The following GALNT13 variants were observed in gnomAD, a reference collection of about 807,000 sequenced individuals.
GALNT13 encodes the protein polypeptide N-acetylgalactosaminyltransferase 13.
A neutral mutation model predicts 64.2 loss-of-function variants in GALNT13; 28 were observed. The observed-to-expected ratio is 0.44, with a 90% CI of 0.32 to 0.60. The LOEUF (loss-of-function observed/expected upper bound fraction) is 0.60, where lower values mean the gene tolerates loss of function less well. Ranked by LOEUF, GALNT13 falls within the 20% of genes least tolerant of loss-of-function variation. The pLI is 0.05. For synonymous variants in GALNT13, 214 were observed against 224.6 expected (o/e 0.95, Z 0.42); for missense variants, 577 against 669.8 (o/e 0.86, Z 1.53).
chr2:153,362,553 C>CAAAAAAAA, the GALNT13 span, among the ~76,000 whole-genome samples: 199 of 80,296 alleles, frequency 2.5e-3, 11 homozygotes, highest in African/African-American at 8.7e-3. Flanking sequence ...AAATGGAGAG[C>CAAAAAAAA]AAAAAAAAAA....
At chr2:153,759,413 A>C in the GALNT13 span, among the ~76,000 whole-genome samples, 2 of 152,124 alleles carry the variant, frequency 1.3e-5, no homozygotes, top group Admixed American at 6.6e-5. Flanking sequence ...CATTGTTTTC[A>C]TCATTAAGTA....
chr2:153,382,491 A>G, the GALNT13 span, among the ~76,000 whole-genome samples: 135 of 152,224 alleles, frequency 8.9e-4, no homozygotes, highest in Non-Finnish European at 1.6e-3. Flanking sequence ...ATGTTGCTGC[A>G]AAAGACATGA....
chr2:154,014,635 C>CTTTTTTTTTT lies in GALNT13; in HGVS notation c.142+70002_142+70011dup, dbSNP rs60950180. Among the ~76,000 whole-genome samples the CTTTTTTTTTT allele has an allele frequency of 8.4e-3, 650 of 77,158 alleles. 83 individuals are homozygous for CTTTTTTTTTT. Among genetic ancestry groups the CTTTTTTTTTT allele is most frequent in the African/African-American group, 0.023 (508 of 21,954 alleles). The allele number at this position is 77,158 out of a possible 152,430, so 50.6% of individuals were successfully genotyped here. On this transcript the variant is annotated intron_variant, in intron 3 of 12. Transcript: ENST00000392825. ...ACTTTTTGTCTTTCTGATAATTCTCCTTTTTTTTTTTTTTTGAGACGGAGT... is the reference window on the plus strand; with the variant it reads ...ACTTTTTGTCTTTCTGATAATTCTCCTTTTTTTTTTTTTTTTTTTTTTTTTGAGACGGAGT...
chr2:153,073,226 T>A, the GALNT13 span, among the ~76,000 whole-genome samples: 1 of 152,164 alleles, frequency 6.6e-6, no homozygotes, highest in Non-Finnish European at 1.5e-5. Context: ...AATTTTCAGG[T>A]TCTCAAGGAG....
chr2:153,634,049 T>C, the GALNT13 span, among the ~76,000 whole-genome samples: 1 of 152,162 alleles, frequency 6.6e-6, no homozygotes, highest in African/African-American at 2.4e-5. Context: ...AGATGTCAGA[T>C]GTAATGCAGA....
At chr2:153,752,060 C>G in the GALNT13 span, among the ~76,000 whole-genome samples, 1 of 151,768 alleles carries the variant, frequency 6.6e-6, no homozygotes, top group Non-Finnish European at 1.5e-5. Context: ...ATTATTTTCA[C>G]CAGATAACAA....
chr2:153,355,660 C>G, the GALNT13 span, among the ~76,000 whole-genome samples: 2 of 152,114 alleles, frequency 1.3e-5, no homozygotes, highest in Admixed American at 6.6e-5. Flanking sequence ...AATCAAACAG[C>G]ATGTAAACCT....
At chr2:153,389,353 A>G in the GALNT13 span, among the ~76,000 whole-genome samples, 2,714 of 152,164 alleles carry the variant, frequency 0.018, 93 homozygotes, top group African/African-American at 0.062. Context: ...AAATTTACAT[A>G]CAAGTAGCAG....
At chr2:153,130,283 C>T in the GALNT13 span, among the ~76,000 whole-genome samples, 1 of 152,252 alleles carries the variant, frequency 6.6e-6, no homozygotes, top group South Asian at 2.1e-4. Flanking sequence ...CACTCCTCTC[C>T]TCAAAACCCC....
the GALNT13 span, among the ~76,000 whole-genome samples, chr2:153,280,618 C>A: frequency 8.6e-5 from 13 of 151,978 alleles, no homozygotes; most frequent in African/African-American, 3.1e-4. Context: ...TTTTGTTGTT[C>A]ACCCAAAAGC....
intron 3 of GALNT13, among the ~76,000 whole-genome samples, chr2:154,092,651 A>G (rs1701873227): frequency 6.6e-6 from 1 of 152,216 alleles, no homozygotes; most frequent in Admixed American, 6.6e-5. Flanking sequence ...CCAGGAATGT[A>G]CTTAGGGGCT....
the GALNT13 span, among the ~76,000 whole-genome samples, chr2:153,543,780 C>A: frequency 6.6e-6 from 1 of 152,158 alleles, no homozygotes; most frequent in Admixed American, 6.5e-5. Flanking sequence ...CATTTATATT[C>A]CTGAGGGGTA....
chr2:153,517,037 C>T, the GALNT13 span, among the ~76,000 whole-genome samples: 1 of 151,962 alleles, frequency 6.6e-6, no homozygotes, highest in Non-Finnish European at 1.5e-5. Context: ...GGCCAGTCTT[C>T]TCTGCTCAGA....
chr2:154,020,635 T>G (rs1697388546), intron 3 of GALNT13, among the ~76,000 whole-genome samples: 1 of 151,872 alleles, frequency 6.6e-6, no homozygotes. Context: ...GAAAATTTTC[T>G]CCCATTTTGT....
chr2:153,201,679 G>A, the GALNT13 span: 2 of 151,304 alleles, frequency 1.3e-5, no homozygotes, highest in African/African-American at 4.9e-5. Context: ...ACACACAAAA[G>A]ATTATTTTAT....
chr2:153,198,823 C>T, the GALNT13 span, among the ~76,000 whole-genome samples: 1 of 152,112 alleles, frequency 6.6e-6, no homozygotes, highest in Non-Finnish European at 1.5e-5. Flanking sequence ...AAATTCAGCT[C>T]CCTTATTTGT....
At chr2:154,227,436 C>T (rs1688677470) in intron 4 of GALNT13, among the ~76,000 whole-genome samples, 1 of 151,054 alleles carries the variant, frequency 6.6e-6, no homozygotes, top group Non-Finnish European at 1.5e-5. Context: ...CCCAGTAACT[C>T]GTTATTTAAC....
chr2:153,771,380 A>C, the GALNT13 span, among the ~76,000 whole-genome samples: 2 of 151,914 alleles, frequency 1.3e-5, no homozygotes, highest in African/African-American at 2.4e-5. Context: ...GGAGCAGAAG[A>C]AGTGCCACTG....
chr2:153,644,297 A>C, the GALNT13 span, among the ~76,000 whole-genome samples: 1 of 152,102 alleles, frequency 6.6e-6, no homozygotes, highest in African/African-American at 2.4e-5. Context: ...ACAGGAAATA[A>C]AATATATTCT....
Sources: allele counts gnomAD v4.1 joint callset (sites outside exome capture counted in the v4.1 genomes callset), GRCh38; gene constraint gnomAD v4.1.1; transcripts MANE v1.5; gene names NCBI Gene and HGNC (gene_info 2026-07-23, HGNC 2026-07-21).